The following SYN3 variants were observed in gnomAD, a reference collection of about 807,000 sequenced individuals.
SYN3 encodes synapsin III.
In SYN3, 35 loss-of-function variants were observed where a neutral mutation model predicts 65.8. The observed-to-expected ratio is 0.53, with a 90% CI of 0.41 to 0.70. SYN3 has a LOEUF of 0.70. Ranked by LOEUF, SYN3 falls within the 30% of genes least tolerant of loss-of-function variation. The pLI is 0.00. For missense variants in SYN3, 680 were observed against 749.0 expected, an observed-to-expected ratio of 0.91 and a Z score of 1.08; for synonymous variants, 270 against 292.9, an observed-to-expected ratio of 0.92 and a Z score of 0.80.
intron 6 of SYN3, among the ~76,000 whole-genome samples, chr22:32,676,954 C>A (rs973402941): frequency 1.3e-5 from 2 of 152,180 alleles, no homozygotes; most frequent in South Asian, 4.1e-4. Context: ...TATTCTTCCC[C>A]TTTACAGGTG....
At chr22:32,838,170 G>A (rs1327795722) in intron 6 of SYN3, among the ~76,000 whole-genome samples, 1 of 152,204 alleles carries the variant, frequency 6.6e-6, no homozygotes, top group Non-Finnish European at 1.5e-5. Context: ...ACATGGCACA[G>A]GATCTGAGAT....
At chr22:32,845,041 C>T (rs1482484663) in intron 6 of SYN3, among the ~76,000 whole-genome samples, 1 of 152,024 alleles carries the variant, frequency 6.6e-6, no homozygotes, top group Non-Finnish European at 1.5e-5. Flanking sequence ...TTCCTTGCTT[C>T]TTTTGACCAC....
intron 6 of SYN3, among the ~76,000 whole-genome samples, chr22:32,802,939 A>G (rs1436283970): frequency 6.6e-6 from 1 of 152,108 alleles, no homozygotes; most frequent in Admixed American, 6.5e-5. Flanking sequence ...ACAGTTCCAG[A>G]CTGGACTTAG....
chr22:32,722,054 A>G (rs552472742), intron 6 of SYN3, among the ~76,000 whole-genome samples: 1 of 152,222 alleles, frequency 6.6e-6, no homozygotes, highest in Non-Finnish European at 1.5e-5. Context: ...AATGAGCGAG[A>G]GGAAGAGCGG....
At chr22:32,789,828 T>C in intron 6 of SYN3, among the ~76,000 whole-genome samples, 1 of 152,186 alleles carries the variant, frequency 6.6e-6, no homozygotes, top group Non-Finnish European at 1.5e-5. Context: ...CAGTACAGGG[T>C]GATGAACTTC....
chr22:32,636,467 C>T (rs2059818979), intron 6 of SYN3, among the ~76,000 whole-genome samples: 1 of 151,774 alleles, frequency 6.6e-6, no homozygotes, highest in African/African-American at 2.4e-5. Flanking sequence ...CTGTTCCCAC[C>T]TTCACCAGTC....
chr22:32,907,708 A>G (rs2049939747), intron 4 of SYN3, among the ~76,000 whole-genome samples: 1 of 152,208 alleles, frequency 6.6e-6, no homozygotes, highest in African/African-American at 2.4e-5. Context: ...GGGAAATAAA[A>G]AACAATAAAG....
intron 6 of SYN3, among the ~76,000 whole-genome samples, chr22:32,745,187 G>A (rs1353976691): frequency 6.6e-6 from 1 of 152,100 alleles, no homozygotes; most frequent in African/African-American, 2.4e-5. Context: ...TAAACTCTGC[G>A]CTCCCAGCAC....
chr22:32,732,013 T>G (rs896899177), intron 6 of SYN3, among the ~76,000 whole-genome samples: 2 of 152,250 alleles, frequency 1.3e-5, no homozygotes, highest in Non-Finnish European at 2.9e-5. Flanking sequence ...GCAAAGAGCT[T>G]AACATCGTGA....
intron 1 of SYN3, among the ~76,000 whole-genome samples, chr22:33,008,683 G>A (rs2053260383): frequency 6.6e-6 from 1 of 152,086 alleles, no homozygotes; most frequent in Non-Finnish European, 1.5e-5. Context: ...GGAAGCTGAG[G>A]TGGGCAGATC....
intron 7 of SYN3, among the ~76,000 whole-genome samples, chr22:32,596,331 C>G (rs1350625678): frequency 6.6e-6 from 1 of 152,212 alleles, no homozygotes; most frequent in Non-Finnish European, 1.5e-5. Flanking sequence ...CATGGGCTTA[C>G]AACATGGCTG....
chr22:32,664,584 C>CTTTCTT (rs2060262645), intron 6 of SYN3, among the ~76,000 whole-genome samples: 3 of 69,052 alleles, frequency 4.3e-5, no homozygotes, highest in Non-Finnish European at 7.8e-5. Context: ...CAATTGGTCG[C>CTTTCTT]TTTTTTTTTT....
intron 6 of SYN3, among the ~76,000 whole-genome samples, chr22:32,788,170 C>A (rs773382190): frequency 1.3e-5 from 2 of 151,858 alleles, no homozygotes; most frequent in Admixed American, 6.6e-5. Context: ...GATTCCACAT[C>A]GGGATTCAAC....
At chr22:33,020,394 A>G (rs912700611) in intron 1 of SYN3, among the ~76,000 whole-genome samples, 8 of 152,168 alleles carry the variant, frequency 5.3e-5, no homozygotes, top group African/African-American at 1.9e-4. Context: ...GAGAAGCCTC[A>G]GGACATAGGA....
chr22:33,015,840 C>CT (rs758927603), intron 1 of SYN3, among the ~76,000 whole-genome samples: 7,089 of 139,860 alleles, frequency 0.051, 337 homozygotes, highest in African/African-American at 0.11. Flanking sequence ...GGCAAATTTT[C>CT]TTTTCTTTTT....
chr22:32,961,554 C>T (rs2146886982), intron 3 of SYN3, among the ~76,000 whole-genome samples: 1 of 152,328 alleles, frequency 6.6e-6, no homozygotes, highest in South Asian at 2.1e-4. Context: ...ACCACTTTAT[C>T]CATAATTTAC....
chr22:32,641,880 A>C (rs1485476669), intron 6 of SYN3, among the ~76,000 whole-genome samples: 2 of 152,108 alleles, frequency 1.3e-5, no homozygotes, highest in African/African-American at 4.8e-5. Flanking sequence ...GGGGGACCTC[A>C]TTGTTTGAGA....
At chr22:32,941,791 A>G (rs2050947439) in intron 3 of SYN3, among the ~76,000 whole-genome samples, 1 of 152,230 alleles carries the variant, frequency 6.6e-6, no homozygotes, top group Non-Finnish European at 1.5e-5. Context: ...ACAGTACACC[A>G]GGAGATTATA....
intron 12 of SYN3, 199 bp from the exon 13 acceptor site, chr22:32,518,533 G>A (rs2057820097): frequency 4.1e-6 from 3 of 729,814 alleles, no homozygotes; most frequent in Non-Finnish European, 7.2e-6. Context: ...ATATGCTGTG[G>A]TCATCACATA....
Sources: gnomAD v4.1 joint callset for allele counts (sites outside exome capture counted in the v4.1 genomes callset) on GRCh38, gnomAD v4.1.1 for gene constraint, MANE v1.5 for transcripts, NCBI Gene and HGNC (gene_info 2026-07-23, HGNC 2026-07-21) for gene names.